The following TPM1 variants were observed in gnomAD, a reference collection of about 807,000 sequenced individuals.
TPM1 encodes the protein tropomyosin alpha-1 chain.
A neutral mutation model predicts 42.9 loss-of-function variants in TPM1; 24 were observed. The ratio of observed to expected loss-of-function variants is 0.56; its 90% CI spans 0.41 to 0.79. The LOEUF (loss-of-function observed/expected upper bound fraction) is 0.79. TPM1 is among the 30% of genes least tolerant of loss of function. TPM1 has a pLI of 0.00. For missense variants in TPM1, 158 were observed against 351.8 expected (o/e 0.45, Z 4.41); for synonymous variants, 136 against 130.1 (o/e 1.05, Z -0.31).
intron 2 of TPM1, chr15:63,054,632 T>C (rs1475024626): frequency 2.0e-5 from 3 of 152,218 alleles, no homozygotes; most frequent in Non-Finnish European, 4.4e-5. Context: ...AGCAGAGAAC[T>C]TGGAACTTGG....
downstream of TPM1, chr15:63,066,204 T>A: frequency 1.4e-6 from 2 of 1,387,638 alleles, no homozygotes; most frequent in Non-Finnish European, 1.9e-6. Context: ...GGCTGCTGCT[T>A]TTTCTTTTTA....
At chr15:63,070,013 C>G, downstream of TPM1, 1 of 1,608,016 alleles carries the variant, frequency 6.2e-7, no homozygotes, top group East Asian at 2.2e-5. Context: ...TAAGACTGTC[C>G]TACCTTCAAC....
At chr15:63,055,259 C>A (rs1211755763) in intron 2 of TPM1, among the ~76,000 whole-genome samples, 2 of 152,184 alleles carry the variant, frequency 1.3e-5, no homozygotes, top group African/African-American at 4.8e-5. Flanking sequence ...TGCTCCCTGC[C>A]TCCATCAACC....
At chr15:63,061,466 CA>C (rs35276944) in intron 5 of TPM1, 4 of 744,074 alleles carry the variant, frequency 5.4e-6, no homozygotes, top group Non-Finnish European at 6.9e-6. Context: ...TTTGGGCAGC[CA>C]AAAAAGGAGC....
downstream of TPM1, chr15:63,070,505 T>TG: frequency 1.0e-6 from 1 of 993,480 alleles, no homozygotes; most frequent in Non-Finnish European, 1.2e-6. Context: ...TGTTGGAGTC[T>TG]GGGGAGAATG....
chr15:63,059,137 A>G (rs1383505277), intron 3 of TPM1, among the ~76,000 whole-genome samples: 3 of 152,238 alleles, frequency 2.0e-5, no homozygotes, highest in Non-Finnish European at 4.4e-5. Flanking sequence ...AGAAAGAGGT[A>G]TATAAAGATA....
At chr15:63,057,247 C>A in intron 3 of TPM1, 129 bp downstream of exon 3, 2 of 1,305,496 alleles carry the variant, frequency 1.5e-6, no homozygotes, top group Non-Finnish European at 2.1e-6. Context: ...CTCTATTGAT[C>A]CCAGGTATAA....
chr15:63,060,840 G>GGT (rs1398045876), intron 4 of TPM1, 29 bp from the exon 5 acceptor site: 6 of 1,613,332 alleles, frequency 3.7e-6, no homozygotes, highest in Non-Finnish European at 5.1e-6. Flanking sequence ...CAAGACCCAT[G>GGT]GTGTGTGTGT....
intron 9 of TPM1, chr15:63,064,641 A>G: frequency 3.0e-6 from 3 of 1,001,940 alleles, no homozygotes; most frequent in Non-Finnish European, 3.6e-6. Flanking sequence ...TAACAGTGGT[A>G]CTACAAAAGA....
chr15:63,068,153 C>T (rs2036389462), downstream of TPM1, among the ~76,000 whole-genome samples: 1 of 152,176 alleles, frequency 6.6e-6, no homozygotes, highest in Non-Finnish European at 1.5e-5. Context: ...GTCTTGGAAC[C>T]CCCAAGCATA....
intron 2 of TPM1, chr15:63,048,570 G>T: frequency 6.6e-7 from 1 of 1,524,510 alleles, no homozygotes; most frequent in Non-Finnish European, 8.8e-7. Context: ...CCTACCGTCC[G>T]GCGCGATGGC....
At chr15:63,048,726 A>C in intron 2 of TPM1, 1 of 1,530,160 alleles carries the variant, frequency 6.5e-7, no homozygotes. Flanking sequence ...TACACCCATC[A>C]CCCCGCAGCC....
chr15:63,068,995 C>CA (rs5813198), downstream of TPM1, among the ~76,000 whole-genome samples: 2 of 151,160 alleles, frequency 1.3e-5, no homozygotes, highest in African/African-American at 4.9e-5. Context: ...AAAAAAAATA[C>CA]AAAAAAAATT....
At chr15:63,070,782 T>C (rs567575430), downstream of TPM1, 1 of 1,206,348 alleles carries the variant, frequency 8.3e-7, no homozygotes, top group South Asian at 1.7e-5. Flanking sequence ...TTTTTACCTC[T>C]CCCTGTTCCC....
At chr15:63,053,706 G>A (rs2034321254) in intron 2 of TPM1, among the ~76,000 whole-genome samples, 2 of 123,400 alleles carry the variant, frequency 1.6e-5, no homozygotes, top group South Asian at 2.8e-4. Flanking sequence ...TTTGAGACAA[G>A]AGTCTTGCTC....
chr15:63,052,836 C>T (rs1051235075), intron 2 of TPM1, among the ~76,000 whole-genome samples: 3 of 150,924 alleles, frequency 2.0e-5, no homozygotes, highest in Non-Finnish European at 4.4e-5. Flanking sequence ...GAACATAGAG[C>T]ATAATAAATC....
At chr15:63,043,431 C>G in intron 1 of TPM1, 3 of 650,826 alleles carry the variant, frequency 4.6e-6, no homozygotes, top group Admixed American at 4.1e-5. Context: ...AGCCCGAAAG[C>G]CAGGCCAGCA....
chr15:63,059,931 AC>A (rs1490015472), intron 4 of TPM1: 12 of 369,508 alleles, frequency 3.2e-5, no homozygotes, highest in South Asian at 2.6e-4. Flanking sequence ...TCCCCCAGCC[AC>A]AAAGACCCGG....
At chr15:63,065,458 C>G in intron 9 of TPM1, 2 of 985,360 alleles carry the variant, frequency 2.0e-6, no homozygotes, top group Non-Finnish European at 2.4e-6. Context: ...AACAAAAAAG[C>G]CTCTAGAGAC....
Sources: allele counts gnomAD v4.1 joint callset (sites outside exome capture counted in the v4.1 genomes callset), GRCh38; gene constraint gnomAD v4.1.1; transcripts MANE v1.5; gene names NCBI Gene and HGNC (gene_info 2026-07-23, HGNC 2026-07-21).